The following STPG2 variants were observed in gnomAD, a reference collection of about 807,000 sequenced individuals.
The protein encoded by STPG2 is sperm tail PG-rich repeat containing 2, also known as sperm-tail PG-rich repeat-containing protein 2.
A neutral mutation model predicts 54.2 loss-of-function variants in STPG2; 56 were observed. The observed-to-expected ratio is 1.03, with a 90% CI of 0.83 to 1.29. The LOEUF is 1.29. Among genes scored for constraint, STPG2 ranks in the 50% most tolerant of loss-of-function variants. The pLI, the probability that STPG2 is intolerant of heterozygous loss-of-function variation, is 0.00. For synonymous variants in STPG2, 200 were observed against 181.8 expected (o/e 1.10, Z -0.81); for missense variants, 596 against 544.9 (o/e 1.09, Z -0.93).
chr4:97,600,006 A>G (rs1360823554), intron 10 of STPG2, among the ~76,000 whole-genome samples: 1 of 152,196 alleles, frequency 6.6e-6, no homozygotes, highest in African/African-American at 2.4e-5. Context: ...CAAATAGTGC[A>G]TGTCCTCACT....
intron 9 of STPG2, among the ~76,000 whole-genome samples, chr4:97,723,087 C>T: frequency 6.6e-6 from 1 of 151,408 alleles, no homozygotes; most frequent in Middle Eastern, 3.2e-3. Flanking sequence ...GCTGGGATTA[C>T]AGGCGTGAGC....
At chr4:97,902,413 G>A (rs561336402) in intron 8 of STPG2, among the ~76,000 whole-genome samples, 33 of 152,216 alleles carry the variant, frequency 2.2e-4, no homozygotes, top group African/African-American at 7.7e-4. Flanking sequence ...CCTGATAAGG[G>A]TTAATCTTCA....
At chr4:98,124,317 G>T (rs1425256032) in intron 3 of STPG2, among the ~76,000 whole-genome samples, 1 of 152,142 alleles carries the variant, frequency 6.6e-6, no homozygotes, top group Non-Finnish European at 1.5e-5. Flanking sequence ...GCCAGTAACG[G>T]TTTTTTCTTT....
intron 4 of STPG2, among the ~76,000 whole-genome samples, chr4:97,546,787 G>A (rs1005199920): frequency 6.6e-6 from 1 of 152,174 alleles, no homozygotes; most frequent in African/African-American, 2.4e-5. Context: ...AATACATACT[G>A]TATGCCAATA....
intron 10 of STPG2, among the ~76,000 whole-genome samples, chr4:97,642,867 C>CA (rs1391098099): frequency 2.7e-5 from 4 of 150,804 alleles, no homozygotes; most frequent in Non-Finnish European, 5.9e-5. Flanking sequence ...ATAATCAAAA[C>CA]AAAAAAAGAA....
chr4:97,756,983 C>T (rs1427513469), intron 9 of STPG2, among the ~76,000 whole-genome samples: 1 of 152,102 alleles, frequency 6.6e-6, no homozygotes, highest in African/African-American at 2.4e-5. Context: ...CAAGCTACAA[C>T]TGTAGATTGT....
At chr4:97,637,312 T>C (rs1431710494) in intron 10 of STPG2, among the ~76,000 whole-genome samples, 2 of 152,190 alleles carry the variant, frequency 1.3e-5, no homozygotes, top group East Asian at 1.9e-4. Context: ...CTAAAAACTC[T>C]CAGTAAATTA....
At chr4:97,616,466 A>T (rs1733876716) in intron 10 of STPG2, among the ~76,000 whole-genome samples, 1 of 152,038 alleles carries the variant, frequency 6.6e-6, no homozygotes, top group Non-Finnish European at 1.5e-5. Flanking sequence ...GAAAAATAAC[A>T]TGATTTTGTA....
intron 9 of STPG2, among the ~76,000 whole-genome samples, chr4:97,741,475 GC>G (rs1725232105): frequency 6.6e-6 from 1 of 151,374 alleles, no homozygotes; most frequent in Non-Finnish European, 1.5e-5. Context: ...CTGACAAAGG[GC>G]TAATATCCAG....
chr4:97,742,503 T>C (rs1725278606), intron 9 of STPG2, among the ~76,000 whole-genome samples: 2 of 149,228 alleles, frequency 1.3e-5, no homozygotes, highest in Non-Finnish European at 3.0e-5. Context: ...TGTCCATCAA[T>C]GGATGAATGA....
At chr4:97,691,681 C>T (rs1194655268) in intron 10 of STPG2, among the ~76,000 whole-genome samples, 1 of 152,096 alleles carries the variant, frequency 6.6e-6, no homozygotes, top group Non-Finnish European at 1.5e-5. Flanking sequence ...TGAATCCTCC[C>T]TATACAACCA....
At chr4:97,651,654 C>T (rs1043288032) in intron 10 of STPG2, among the ~76,000 whole-genome samples, 1 of 151,930 alleles carries the variant, frequency 6.6e-6, no homozygotes, top group Non-Finnish European at 1.5e-5. Flanking sequence ...AGCACATTTT[C>T]CCCTCTTTTA....
intron 8 of STPG2, among the ~76,000 whole-genome samples, chr4:97,891,729 C>A (rs1430135634): frequency 2.0e-5 from 3 of 151,930 alleles, no homozygotes; most frequent in Non-Finnish European, 4.4e-5. Context: ...CACTGCATTT[C>A]TAGTCTTGTT....
At chr4:97,777,000 A>G (rs2149067163) in intron 9 of STPG2, among the ~76,000 whole-genome samples, 1 of 152,290 alleles carries the variant, frequency 6.6e-6, no homozygotes, top group Admixed American at 6.5e-5. Context: ...CCTACCTCAC[A>G]AGTTTCTTTT....
intron 10 of STPG2, among the ~76,000 whole-genome samples, chr4:97,593,743 G>A (rs1210159129): frequency 2.0e-5 from 3 of 152,138 alleles, no homozygotes; most frequent in East Asian, 1.9e-4. Flanking sequence ...GCACTTTAGC[G>A]AGCACTACAC....
intron 4 of STPG2, among the ~76,000 whole-genome samples, chr4:97,506,394 A>G (rs1366123535): frequency 6.6e-6 from 1 of 151,964 alleles, no homozygotes; most frequent in Admixed American, 6.6e-5. Context: ...ACTTCTACAC[A>G]TGCAAAGAAA....
chr4:97,559,299 T>C (rs1166011975), intron 10 of STPG2, among the ~76,000 whole-genome samples, 182 bp from the exon 11 acceptor site: 2 of 152,216 alleles, frequency 1.3e-5, no homozygotes, highest in Non-Finnish European at 2.9e-5. Context: ...CAAAAATTAA[T>C]TGTGTTGTGA....
At chr4:97,863,574 G>C (rs892762342) in intron 8 of STPG2, among the ~76,000 whole-genome samples, 6 of 152,172 alleles carry the variant, frequency 3.9e-5, no homozygotes, top group African/African-American at 7.2e-5. Flanking sequence ...TAGAATAAGA[G>C]GGAATCCTCC....
At chr4:97,909,835 C>A (rs1045484337) in intron 8 of STPG2, among the ~76,000 whole-genome samples, 4 of 152,014 alleles carry the variant, frequency 2.6e-5, no homozygotes, top group Non-Finnish European at 4.4e-5. Context: ...GCATATTATA[C>A]AGTATAGTGA....
Sources: gnomAD v4.1 joint callset for allele counts (sites outside exome capture counted in the v4.1 genomes callset) on GRCh38, gnomAD v4.1.1 for gene constraint, MANE v1.5 for transcripts, NCBI Gene and HGNC (gene_info 2026-07-23, HGNC 2026-07-21) for gene names.